MUSK: variants seen among roughly 807,000 people sequenced by gnomAD.
The protein encoded by MUSK is muscle, skeletal receptor tyrosine-protein kinase.
A neutral mutation model predicts 88.7 loss-of-function variants in MUSK; 55 were observed. The ratio of observed to expected loss-of-function variants is 0.62; its 90% CI spans 0.50 to 0.78. The LOEUF is 0.78. Among genes scored for constraint, MUSK ranks in the 30% least tolerant of loss-of-function variants. The pLI is 0.00. For synonymous variants in MUSK, 387 were observed against 391.9 expected (o/e 0.99, Z 0.15); for missense variants, 1,015 against 1,074.3 (o/e 0.94, Z 0.77).
intron 2 of MUSK, 88 bp from the exon 3 acceptor site, chr9:110,687,029 A>AT: frequency 1.5e-6 from 2 of 1,353,310 alleles, no homozygotes; most frequent in Non-Finnish European, 2.0e-6. Flanking sequence ...CTACTTCCTC[A>AT]TTAACAAGTC....
At chr9:110,723,107 A>T (rs1005795522) in intron 5 of MUSK, among the ~76,000 whole-genome samples, 1 of 152,082 alleles carries the variant, frequency 6.6e-6, no homozygotes, top group Non-Finnish European at 1.5e-5. Flanking sequence ...ACAATTTGCA[A>T]TTGCAAAAAT....
chr9:110,736,801 G>C (rs1416265243), intron 6 of MUSK, among the ~76,000 whole-genome samples: 3 of 151,986 alleles, frequency 2.0e-5, no homozygotes, highest in African/African-American at 7.2e-5. Context: ...GCTTGTTTCT[G>C]CCAGGGACAA....
At chr9:110,671,917 C>T (rs1051232809) in intron 1 of MUSK, among the ~76,000 whole-genome samples, 6 of 152,150 alleles carry the variant, frequency 3.9e-5, no homozygotes, top group African/African-American at 9.7e-5. Flanking sequence ...TACTACAATA[C>T]GTTGAAGTGT....
At chr9:110,672,361 A>G (rs908323017) in intron 1 of MUSK, among the ~76,000 whole-genome samples, 1 of 152,102 alleles carries the variant, frequency 6.6e-6, no homozygotes, top group African/African-American at 2.4e-5. Context: ...CATGCTGAAG[A>G]CCCAGCTGGG....
At chr9:110,759,720 A>C (rs1286428073) in intron 7 of MUSK, among the ~76,000 whole-genome samples, 1 of 152,232 alleles carries the variant, frequency 6.6e-6, no homozygotes, top group Non-Finnish European at 1.5e-5. Flanking sequence ...ATATGAAAAA[A>C]TGCTCAATAT....
At chr9:110,673,992 A>C (rs1190153186) in intron 1 of MUSK, among the ~76,000 whole-genome samples, 1 of 152,150 alleles carries the variant, frequency 6.6e-6, no homozygotes, top group Non-Finnish European at 1.5e-5. Context: ...TATTATTAGT[A>C]ATCTTCCAAA....
At chr9:110,755,996 ATG>A (rs2077319699) in intron 7 of MUSK, among the ~76,000 whole-genome samples, 1 of 143,392 alleles carries the variant, frequency 7.0e-6, no homozygotes, top group Admixed American at 7.2e-5. Flanking sequence ...ATATATATAT[ATG>A]AATTTATTTA....
chr9:110,685,892 T>C (rs1365016595), intron 2 of MUSK, among the ~76,000 whole-genome samples: 1 of 152,130 alleles, frequency 6.6e-6, no homozygotes, highest in African/African-American at 2.4e-5. Flanking sequence ...TAACTATTCA[T>C]CAATTGCAAA....
At chr9:110,701,290 G>A (rs1253966039) in intron 5 of MUSK, among the ~76,000 whole-genome samples, 3 of 152,058 alleles carry the variant, frequency 2.0e-5, no homozygotes, top group African/African-American at 4.8e-5. Flanking sequence ...CTGCTGTACA[G>A]GTGTAAGTTC....
intron 7 of MUSK, among the ~76,000 whole-genome samples, chr9:110,749,736 A>G (rs1564264350): frequency 6.6e-6 from 1 of 152,194 alleles, no homozygotes; most frequent in Non-Finnish European, 1.5e-5. Flanking sequence ...CAAAGGGAAG[A>G]GGAGAGATGC....
intron 5 of MUSK, among the ~76,000 whole-genome samples, chr9:110,718,246 A>G (rs567407271): frequency 6.6e-6 from 1 of 152,150 alleles, no homozygotes; most frequent in East Asian, 1.9e-4. Flanking sequence ...ATAGAGAACA[A>G]GGAGGAGTTA....
chr9:110,764,639 G>GATAGATAGATAGA (rs55647455), intron 8 of MUSK, among the ~76,000 whole-genome samples: 49 of 145,292 alleles, frequency 3.4e-4, no homozygotes, highest in Middle Eastern at 3.5e-3. Context: ...AGATAGATAG[G>GATAGATAGATAGA]TAGGTAGATC....
chr9:110,721,520 G>C (rs2076810732), intron 5 of MUSK, among the ~76,000 whole-genome samples: 3 of 151,908 alleles, frequency 2.0e-5, no homozygotes, highest in Admixed American at 2.0e-4. Context: ...AAATACTTAA[G>C]AATATATCTA....
intron 1 of MUSK, among the ~76,000 whole-genome samples, chr9:110,681,452 A>T (rs542552276): frequency 6.6e-6 from 1 of 151,826 alleles, no homozygotes; most frequent in African/African-American, 2.4e-5. Flanking sequence ...TCAAGGTTTT[A>T]ATAATTGAGT....
rs770001735 is a variant in MUSK, at chr9:110,770,916, T to C, written c.1184+2833T>C. Reference sequence around the variant, plus strand: ...TTAATAAAACTGCCATTAATTTCTTTAGAATTTGTACATTTTAGAGTTGAA... The same window carrying C: ...TTAATAAAACTGCCATTAATTTCTTCAGAATTTGTACATTTTAGAGTTGAA... On this transcript the variant is annotated intron_variant, in intron 9 of 14. Coordinates refer to ENST00000374448, the MANE Select transcript of MUSK (RefSeq NM_005592.4). Among the ~76,000 whole-genome samples the C allele has an allele frequency of 2.3e-4, 35 of 152,204 alleles. 1 individual carries two copies. Among genetic ancestry groups the C allele is most frequent in the South Asian group, 1.0e-3 (5 of 4,832 alleles).
intron 3 of MUSK, among the ~76,000 whole-genome samples, chr9:110,689,495 A>T (rs1173148443): frequency 2.9e-5 from 3 of 103,544 alleles, no homozygotes; most frequent in Non-Finnish European, 5.1e-5. Context: ...AATATGTAAA[A>T]AATACATATT....
At chr9:110,791,259 G>C (rs1043796417) in intron 14 of MUSK, among the ~76,000 whole-genome samples, 2 of 142,964 alleles carry the variant, frequency 1.4e-5, no homozygotes, top group Non-Finnish European at 3.1e-5. Context: ...TGTGCGCACC[G>C]TGCGCGAGCC....
At chr9:110,677,236 G>A (rs1017008678) in intron 1 of MUSK, among the ~76,000 whole-genome samples, 13 of 152,018 alleles carry the variant, frequency 8.6e-5, no homozygotes, top group African/African-American at 3.1e-4. Flanking sequence ...CCCTTTTATT[G>A]TTAAACTCTG....
At chr9:110,676,416 G>A (rs546741810) in intron 1 of MUSK, among the ~76,000 whole-genome samples, 1 of 136,400 alleles carries the variant, frequency 7.3e-6, no homozygotes, top group South Asian at 2.4e-4. Context: ...TTTAAGTTCC[G>A]GGGTACAAGT....
Sources: allele counts gnomAD v4.1 joint callset (sites outside exome capture counted in the v4.1 genomes callset), GRCh38; gene constraint gnomAD v4.1.1; transcripts MANE v1.5; gene names NCBI Gene and HGNC (gene_info 2026-07-23, HGNC 2026-07-21).